CFAP20DC: variants seen among roughly 807,000 people sequenced by gnomAD.
CFAP20DC encodes CFAP20 domain containing.
Under a neutral mutation model 101.7 loss-of-function variants are expected in CFAP20DC, and 84 were observed. That is an observed-to-expected ratio of 0.83 (90% CI 0.69 to 0.99). The LOEUF is 0.99. Ranked by LOEUF, CFAP20DC falls within the 50% of genes least tolerant of loss-of-function variation. CFAP20DC has a pLI of 0.00. For synonymous variants in CFAP20DC, 359 were observed against 351.2 expected (o/e 1.02, Z -0.25); for missense variants, 1,007 against 970.3 (o/e 1.04, Z -0.50).
rs991811897 is a variant in CFAP20DC, at chr3:58,977,894, T to G, written c.279-40132A>C. 4.6e-5 allele frequency among the ~76,000 whole-genome samples: 7 copies of G among 152,204 alleles called. No individual in the cohort carries two copies. The South Asian group carries it at 1.5e-3, about 32-fold the overall frequency. On this transcript the variant is annotated intron_variant, in intron 4 of 16. Coordinates refer to ENST00000482387, the MANE Select transcript of CFAP20DC (RefSeq NM_001394063.1). Reference sequence around the variant, plus strand: ...AAGGCTAGAACTCTGCATAAGAACCTGAAAGAAGTGTGGGAAGGAGGATGC... The same window carrying G: ...AAGGCTAGAACTCTGCATAAGAACCGGAAAGAAGTGTGGGAAGGAGGATGC...
intron 4 of CFAP20DC, among the ~76,000 whole-genome samples, chr3:58,954,078 C>G (rs954320820): frequency 2.6e-5 from 4 of 152,138 alleles, no homozygotes; most frequent in African/African-American, 7.2e-5. Flanking sequence ...TGGTCATTAA[C>G]AGCATTCATT....
chr3:58,969,361 G>C (rs1327499551), intron 4 of CFAP20DC, among the ~76,000 whole-genome samples: 3 of 152,164 alleles, frequency 2.0e-5, no homozygotes, highest in Non-Finnish European at 4.4e-5. Flanking sequence ...AGGATGTGGA[G>C]AAATGAGAAT....
rs115932931 is a variant in CFAP20DC, at chr3:59,043,257, G to A, written c.205+2972C>T. ...CGCTGCAACATTAATTCAAGTTGGG[G>A]AAAAGAGGAAGAACCACAAAAGGAG... On this transcript the variant is annotated intron_variant, in intron 3 of 16. Coordinates refer to ENST00000482387, the MANE Select transcript of CFAP20DC (RefSeq NM_001394063.1). Among the ~76,000 whole-genome samples, 111 of 152,176 alleles carry A rather than the reference G, an allele frequency of 7.3e-4. 2 individuals are homozygous for A. Among genetic ancestry groups the A allele is most frequent in the African/African-American group, 2.6e-3 (107 of 41,504 alleles).
Position 59,049,993 on chromosome 3 carries a change from G to A in CFAP20DC, c.-362C>T, listed in dbSNP as rs1352165201. 1.2e-5 allele frequency: 3 copies of A among 252,674 alleles called. No individual in the cohort carries two copies. The highest frequency in any genetic ancestry group is 2.3e-5 in the Non-Finnish European group (3 of 132,194). 15.7% of individuals were successfully genotyped at this position (252,674 alleles called of 1,614,324 possible). On this transcript the variant is annotated 5_prime_UTR_variant, in exon 1 of 17. Coordinates refer to ENST00000482387, the MANE Select transcript of CFAP20DC (RefSeq NM_001394063.1). ...ACCGCCCGCTGGCCTAGGAAAAGCG[G>A]GCGCGCTCCCGCTGCCGCCCCACCC... is the stretch of plus-strand genomic sequence containing the variant.
At chr3:58,822,285 T>C (rs1156941468) in intron 14 of CFAP20DC, among the ~76,000 whole-genome samples, 6 of 138,780 alleles carry the variant, frequency 4.3e-5, no homozygotes, top group African/African-American at 1.4e-4. Context: ...CCGTAAAACT[T>C]AAAGTATAAT....
intron 13 of CFAP20DC, among the ~76,000 whole-genome samples, chr3:58,836,679 G>A (rs1030686204): frequency 1.3e-5 from 2 of 152,074 alleles, no homozygotes; most frequent in Admixed American, 6.6e-5. Context: ...CATTGTGACA[G>A]TGCCTGATAG....
At chr3:58,877,498 C>G (rs1462501359) in intron 7 of CFAP20DC, among the ~76,000 whole-genome samples, 1 of 152,168 alleles carries the variant, frequency 6.6e-6, no homozygotes, top group Non-Finnish European at 1.5e-5. Context: ...CTCAATCTTT[C>G]TGCAATTTCC....
At chr3:58,818,095 G>A (rs1260491074) in intron 14 of CFAP20DC, among the ~76,000 whole-genome samples, 1 of 150,540 alleles carries the variant, frequency 6.6e-6, no homozygotes, top group Admixed American at 6.6e-5. Context: ...AATGCTGAGA[G>A]ATTTTGTCAC....
At chr3:58,762,902 A>G (rs561887383) in intron 15 of CFAP20DC, among the ~76,000 whole-genome samples, 2 of 152,300 alleles carry the variant, frequency 1.3e-5, no homozygotes, top group East Asian at 3.9e-4. Context: ...TCTGCGGAGA[A>G]ATCAGCTGTT....
rs2072584519 is a variant in CFAP20DC, at chr3:58,788,586, T to G, written c.2237+17809A>C. On this transcript the variant is annotated intron_variant, in intron 15 of 16. Transcript: ENST00000482387. This position sits in a 1 kb window ranked among gnomAD's most constrained non-coding sequence, Gnocchi z 4.2. Reference sequence around the variant, plus strand: ...TGTCTGGATGAACACATGGCTAGGCTGGGATTGTAGCAACAGCAATGACTA... The same window carrying G: ...TGTCTGGATGAACACATGGCTAGGCGGGGATTGTAGCAACAGCAATGACTA... Among the ~76,000 whole-genome samples, 1 of 152,102 alleles carries G rather than the reference T, an allele frequency of 6.6e-6. No individual in the cohort carries two copies. Among genetic ancestry groups the G allele is most frequent in the Admixed American group, 6.6e-5 (1 of 15,242 alleles).
intron 3 of CFAP20DC, among the ~76,000 whole-genome samples, chr3:59,042,433 T>G (rs1227195725): frequency 6.6e-6 from 1 of 151,974 alleles, no homozygotes; most frequent in Admixed American, 6.6e-5. Flanking sequence ...GAATGTCTAT[T>G]CTCGGGGGTA....
At chr3:58,832,858 T>A (rs1042884573) in intron 13 of CFAP20DC, among the ~76,000 whole-genome samples, 1 of 152,204 alleles carries the variant, frequency 6.6e-6, no homozygotes, top group African/African-American at 2.4e-5. Context: ...AATTTCAACA[T>A]TACTAAAATA....
At chr3:58,735,584 C>T (rs79104954) in intron 3 of CFAP20DC, among the ~76,000 whole-genome samples, 2,484 of 152,278 alleles carry the variant, frequency 0.016, 30 homozygotes, top group Non-Finnish European at 0.026. Flanking sequence ...AGGGTCTCAG[C>T]CTTGGCACAC....
intron 4 of CFAP20DC, among the ~76,000 whole-genome samples, chr3:58,980,224 C>T (rs191249908): frequency 4.1e-4 from 63 of 152,208 alleles, no homozygotes; most frequent in African/African-American, 1.4e-3. Flanking sequence ...ATCAAGTAGC[C>T]CTCCAAACTT....
intron 5 of CFAP20DC, among the ~76,000 whole-genome samples, chr3:58,935,623 A>T (rs1423049268): frequency 6.6e-6 from 1 of 152,190 alleles, no homozygotes; most frequent in Non-Finnish European, 1.5e-5. Flanking sequence ...AACGCCGCAT[A>T]TCTACAACTA....
intron 4 of CFAP20DC, among the ~76,000 whole-genome samples, chr3:58,975,053 A>C (rs1160454032): frequency 6.6e-6 from 1 of 152,148 alleles, no homozygotes; most frequent in African/African-American, 2.4e-5. Flanking sequence ...AGTAGGTGGA[A>C]GGGAGATTAA....
chr3:58,803,863 T>C (rs1301441237), intron 15 of CFAP20DC, among the ~76,000 whole-genome samples: 1 of 152,266 alleles, frequency 6.6e-6, no homozygotes, highest in Non-Finnish European at 1.5e-5. Context: ...AAATAAACAT[T>C]TAATTGGTTG....
intron 15 of CFAP20DC, among the ~76,000 whole-genome samples, chr3:58,768,932 G>C (rs1004798839): frequency 2.6e-5 from 4 of 152,188 alleles, no homozygotes; most frequent in Non-Finnish European, 5.9e-5. Flanking sequence ...GAAACACTTG[G>C]CATACTCACA....
chr3:59,029,477 A>T (rs1297766892), intron 4 of CFAP20DC, among the ~76,000 whole-genome samples: 2 of 152,096 alleles, frequency 1.3e-5, no homozygotes, highest in African/African-American at 4.8e-5. Context: ...AGCCAGGCAA[A>T]GAGATGGGGA....
Sources: gnomAD v4.1 joint callset for allele counts (sites outside exome capture counted in the v4.1 genomes callset) on GRCh38, gnomAD v4.1.1 for gene constraint, Gnocchi (gnomAD v3.1) non-coding constraint, MANE v1.5 for transcripts, NCBI Gene and HGNC (gene_info 2026-07-23, HGNC 2026-07-21) for gene names.